The following RAB11FIP3 variants were observed in gnomAD, a reference collection of about 807,000 sequenced individuals.
The protein encoded by RAB11FIP3 is rab11 family-interacting protein 3.
RAB11FIP3 carries 17 observed loss-of-function variants against 77.8 expected under a neutral mutation model. The observed-to-expected ratio is 0.22, with a 90% CI of 0.15 to 0.33. RAB11FIP3 has a LOEUF of 0.33. RAB11FIP3 is among the 10% of genes least tolerant of loss of function. The pLI, the probability that RAB11FIP3 is intolerant of heterozygous loss-of-function variation, is 1.00. For synonymous variants in RAB11FIP3, 437 were observed against 448.2 expected, an observed-to-expected ratio of 0.98 and a Z score of 0.31; for missense variants, 1,005 against 1,011.2, an observed-to-expected ratio of 0.99 and a Z score of 0.08.
At chr16:470,406 T>G (rs2055787828) in intron 2 of RAB11FIP3, among the ~76,000 whole-genome samples, 1 of 152,246 alleles carries the variant, frequency 6.6e-6, no homozygotes, top group Non-Finnish European at 1.5e-5. Flanking sequence ...GTGCTGGGAT[T>G]ACAGGCATAG....
chr16:517,873 G>A (rs2032489848), intron 9 of RAB11FIP3, among the ~76,000 whole-genome samples: 1 of 152,180 alleles, frequency 6.6e-6, no homozygotes, highest in South Asian at 2.1e-4. Context: ...ACCAGGTCAG[G>A]AAATTGAGAC....
intron 3 of RAB11FIP3, chr16:475,081 C>G (rs1425874082): frequency 1.3e-6 from 2 of 1,551,342 alleles, no homozygotes; most frequent in African/African-American, 2.7e-5. Flanking sequence ...GTGAGGCCAC[C>G]CGGGCCAGCA....
intron 4 of RAB11FIP3, among the ~76,000 whole-genome samples, chr16:487,544 G>A (rs577781914): frequency 2.0e-5 from 3 of 152,326 alleles, no homozygotes; most frequent in East Asian, 1.9e-4. Flanking sequence ...CAGTGGGTCC[G>A]GGCGGAGCAG....
intron 1 of RAB11FIP3, among the ~76,000 whole-genome samples, chr16:447,388 C>A (rs113097555): frequency 0.018 from 2,676 of 152,252 alleles, 26 homozygotes; most frequent in Non-Finnish European, 0.025. Context: ...ACAGTGGCAG[C>A]CTCCTGAGTA....
At position 452,841 on chromosome 16, in the gene RAB11FIP3, A is replaced by T. The variant is rs12926281; in HGVS notation, c.715-8563A>T. On this transcript the variant is annotated intron_variant, in intron 1 of 13. Coordinates refer to ENST00000262305, the MANE Select transcript of RAB11FIP3 (RefSeq NM_014700.4). ...GCGATCTTGGCTCACTGCAAGCTCCACCTCCCGGGTTCAAGTGATTCTCGT... is the reference window on the plus strand; with the variant it reads ...GCGATCTTGGCTCACTGCAAGCTCCTCCTCCCGGGTTCAAGTGATTCTCGT... Among the ~76,000 whole-genome samples, 2 of 63,306 alleles carry T rather than the reference A, an allele frequency of 3.2e-5. 1 individual carries two copies. Among genetic ancestry groups the T allele is most frequent in the African/African-American group, 1.4e-4 (2 of 13,820 alleles). The allele number at this position is 63,306 out of a possible 152,430, so 41.5% of individuals were successfully genotyped here.
At chr16:452,818 G>A (rs1363976186) in intron 1 of RAB11FIP3, among the ~76,000 whole-genome samples, 1 of 69,182 alleles carries the variant, frequency 1.4e-5, no homozygotes, top group African/African-American at 6.6e-5. Context: ...TGCAGTGAGC[G>A]ATCTTGGCTC....
intron 1 of RAB11FIP3, among the ~76,000 whole-genome samples, chr16:445,113 C>CAAAA (rs56706849): frequency 0.064 from 4,539 of 70,570 alleles, 223 homozygotes; most frequent in East Asian, 0.16. Flanking sequence ...GACTCTGTCT[C>CAAAA]AAAAAAAAAA....
intron 1 of RAB11FIP3, among the ~76,000 whole-genome samples, chr16:441,237 G>A (rs1167145500): frequency 6.6e-6 from 1 of 152,152 alleles, no homozygotes; most frequent in Non-Finnish European, 1.5e-5. Flanking sequence ...TCGCCATCGC[G>A]CCTGGCCCTA....
intron 1 of RAB11FIP3, among the ~76,000 whole-genome samples, chr16:446,531 G>C (rs2055319518): frequency 6.6e-6 from 1 of 152,126 alleles, no homozygotes; most frequent in Non-Finnish European, 1.5e-5. Flanking sequence ...GCACTGGCAG[G>C]GTCACCTGCA....
rs755675032 is a variant in RAB11FIP3 at position 426,557 on chromosome 16, C to A, written c.551C>A (p.Pro184His). 1 of 1,586,488 alleles carries A rather than the reference C, an allele frequency of 6.3e-7. No individual in the cohort carries two copies. The highest frequency in any genetic ancestry group is 1.4e-5 in the African/African-American group (1 of 73,664). Reference protein sequence around the residue: ...LEQGPGSPPQPSDLSQTHPLP... With the variant: ...LEQGPGSPPQHSDLSQTHPLP... Reference sequence around the variant, plus strand: ...CAAGGTCCCGGGTCCCCGCCGCAGCCCTCGGACCTCAGCCAGACCCACCCC... The same window carrying A: ...CAAGGTCCCGGGTCCCCGCCGCAGCACTCGGACCTCAGCCAGACCCACCCC... The change falls in exon 1 of 14, where the codon CCC becomes CAC. Residue 184 changes from proline (P) to histidine (H), a missense_variant. Pro to His is a moderately conservative substitution (Grantham distance 77). This residue lies in a region of RAB11FIP3 where 466 missense variants were observed against 408.3 expected (regional missense o/e 1.14). Coordinates refer to ENST00000262305, the MANE Select transcript of RAB11FIP3 (RefSeq NM_014700.4). The surrounding 1 kb of genome is among the most constrained non-coding windows in gnomAD (Gnocchi z 5.0).
intron 1 of RAB11FIP3, among the ~76,000 whole-genome samples, chr16:449,646 CA>C (rs34916740): frequency 0.011 from 1,302 of 121,444 alleles, 6 homozygotes; most frequent in African/African-American, 0.03. Flanking sequence ...GACCCTATCT[CA>C]AAAAAAAAAA....
intron 6 of RAB11FIP3, among the ~76,000 whole-genome samples, chr16:499,828 C>T (rs2031394139): frequency 6.7e-6 from 1 of 149,208 alleles, no homozygotes; most frequent in African/African-American, 2.5e-5. Context: ...GCTCCATCTG[C>T]AGTTATCTGT....
intron 9 of RAB11FIP3, among the ~76,000 whole-genome samples, chr16:515,329 G>A (rs1456748364): frequency 1.3e-5 from 2 of 152,244 alleles, no homozygotes; most frequent in African/African-American, 4.8e-5. Context: ...TAGAGGCGGA[G>A]AGTGGAACTT....
chr16:469,600 G>C (rs1005564952), intron 2 of RAB11FIP3, among the ~76,000 whole-genome samples: 1 of 149,034 alleles, frequency 6.7e-6, no homozygotes, highest in Non-Finnish European at 1.5e-5. Flanking sequence ...GTGTTGGCTG[G>C]GATGGTCTAG....
At chr16:518,462 C>T (rs1417585095) in intron 9 of RAB11FIP3, among the ~76,000 whole-genome samples, 2 of 152,016 alleles carry the variant, frequency 1.3e-5, no homozygotes, top group African/African-American at 2.4e-5. Context: ...CGGGGTGGCT[C>T]GCGCCTGTAA....
At chr16:457,288 A>G (rs1350620579) in intron 1 of RAB11FIP3, among the ~76,000 whole-genome samples, 1 of 152,132 alleles carries the variant, frequency 6.6e-6, no homozygotes, top group Non-Finnish European at 1.5e-5. Flanking sequence ...CTACATCCAT[A>G]GTAGGAACAA....
intron 5 of RAB11FIP3, among the ~76,000 whole-genome samples, chr16:492,517 T>TTC (rs1555505364): frequency 1.5e-4 from 1 of 6,840 alleles, no homozygotes. Context: ...CCCAGGGCCC[T>TTC]CCCGGGAGAC....
intron 1 of RAB11FIP3, among the ~76,000 whole-genome samples, chr16:460,707 A>G (rs933434758): frequency 2.0e-5 from 3 of 152,162 alleles, no homozygotes; most frequent in Middle Eastern, 3.2e-3. Flanking sequence ...TTATCTATGT[A>G]ACATATCTAT....
chr16:474,918 G>C, intron 3 of RAB11FIP3: 1 of 1,541,036 alleles, frequency 6.5e-7, no homozygotes, highest in Non-Finnish European at 8.8e-7. Flanking sequence ...TGAGCGCACA[G>C]GCTTTGCAGA....
Sources: allele counts gnomAD v4.1 joint callset (sites outside exome capture counted in the v4.1 genomes callset), GRCh38; gene constraint gnomAD v4.1.1; regional missense constraint gnomAD v4.1.1; non-coding constraint Gnocchi (gnomAD v3.1); transcripts MANE v1.5; gene names NCBI Gene and HGNC (gene_info 2026-07-23, HGNC 2026-07-21).